Variants in CASZ1 observed in about 807,000 individuals in gnomAD.
The protein encoded by CASZ1 is castor zinc finger 1.
In CASZ1, 28 loss-of-function variants were observed where a neutral mutation model predicts 135.2. That is an observed-to-expected ratio of 0.21 (90% CI 0.15 to 0.28). The LOEUF (loss-of-function observed/expected upper bound fraction) is 0.28, where lower values mean the gene tolerates loss of function less well. Among genes scored for constraint, CASZ1 ranks in the 10% least tolerant of loss-of-function variants. The pLI is 1.00. For synonymous variants in CASZ1, 1,068 were observed against 1,073.4 expected, an observed-to-expected ratio of 0.99 and a Z score of 0.10; for missense variants, 2,161 against 2,453.3, an observed-to-expected ratio of 0.88 and a Z score of 2.52.
chr1:10,725,717 C>CTTTT lies in CASZ1; in HGVS notation c.-76-20177_-76-20174dup, dbSNP rs77796677. 3.5e-5 allele frequency among the ~76,000 whole-genome samples: 5 copies of CTTTT among 144,068 alleles called. No homozygotes were observed. The highest frequency in any genetic ancestry group is 1.3e-4 in the African/African-American group (5 of 39,294). The allele number at this position is 144,068 out of a possible 152,430, so 94.5% of individuals were successfully genotyped here. A position where few individuals can be genotyped will look rare whatever the true frequency, so the allele number is the denominator to read the frequency against. ...GGTGGAAGCCAGGTTCTGGAAAGCCCTTTTTTTTTTTTTACTAGGAGACCC... is the reference window on the plus strand; with the variant it reads ...GGTGGAAGCCAGGTTCTGGAAAGCCCTTTTTTTTTTTTTTTTTACTAGGAGACCC... On this transcript the variant is annotated intron_variant, in intron 2 of 20. Transcript: ENST00000377022. This position sits in a 1 kb window ranked among gnomAD's most constrained non-coding sequence, Gnocchi z 4.4.
intron 2 of CASZ1, among the ~76,000 whole-genome samples, chr1:10,710,146 T>C (rs1317946203): frequency 6.6e-6 from 1 of 152,210 alleles, no homozygotes; most frequent in African/African-American, 2.4e-5. Flanking sequence ...TTAATCATAG[T>C]AATTTTTAAA....
chr1:10,718,649 G>A (rs1639438681), intron 2 of CASZ1, among the ~76,000 whole-genome samples: 2 of 152,244 alleles, frequency 1.3e-5, no homozygotes, highest in Non-Finnish European at 2.9e-5. Context: ...AGAGCTGCCA[G>A]TGCCTTGGGA....
intron 4 of CASZ1, among the ~76,000 whole-genome samples, chr1:10,668,529 G>A (rs919235838): frequency 1.3e-5 from 2 of 152,256 alleles, no homozygotes; most frequent in Admixed American, 1.3e-4. Flanking sequence ...GACGGGAGAG[G>A]CGAGGGGAGG....
At chr1:10,765,296 G>A (rs1364160798) in intron 1 of CASZ1, among the ~76,000 whole-genome samples, 3 of 151,434 alleles carry the variant, frequency 2.0e-5, no homozygotes, top group African/African-American at 7.3e-5. Flanking sequence ...GTGGGGAGAG[G>A]ACAGAGCGCT....
intron 1 of CASZ1, among the ~76,000 whole-genome samples, chr1:10,779,726 T>C (rs1640728852): frequency 6.6e-6 from 1 of 152,194 alleles, no homozygotes. Context: ...TTTGGTATAG[T>C]TTTTCACTCA....
chr1:10,675,887 G>A (rs1166314159), intron 4 of CASZ1, among the ~76,000 whole-genome samples: 1 of 151,338 alleles, frequency 6.6e-6, no homozygotes, highest in Non-Finnish European at 1.5e-5. Flanking sequence ...AGGTTTGCAG[G>A]GAGCTGGCCT....
At position 10,700,991 on chromosome 1, in the gene CASZ1, C is replaced by T. The variant is rs1639049255; in HGVS notation, c.-24+4501G>A. 1.3e-5 allele frequency among the ~76,000 whole-genome samples: 2 copies of T among 152,204 alleles called. No homozygotes were observed. Among genetic ancestry groups the T allele is most frequent in the African/African-American group, 4.8e-5 (2 of 41,434 alleles). ...CACTTCCTGAATAGAGTTGTTGTCACACAGCACTCAGCCCGCACACAGTCA... is the reference window on the plus strand; with the variant it reads ...CACTTCCTGAATAGAGTTGTTGTCATACAGCACTCAGCCCGCACACAGTCA... On this transcript the variant is annotated intron_variant, in intron 3 of 20. Coordinates refer to ENST00000377022, the MANE Select transcript of CASZ1 (RefSeq NM_001079843.3). The surrounding 1 kb of genome is among the most constrained non-coding windows in gnomAD (Gnocchi z 4.2).
At chr1:10,785,128 T>TCTTCCTTCTTTCCTTC (rs1465399793) in intron 1 of CASZ1, among the ~76,000 whole-genome samples, 2 of 23,950 alleles carry the variant, frequency 8.4e-5, no homozygotes, top group East Asian at 1.2e-3. Flanking sequence ...TTCTTTCCTT[T>TCTTCCTTCTTTCCTTC]CTTCCTTCCT....
chr1:10,752,101 C>T lies in CASZ1; in HGVS notation c.-77+8600G>A, dbSNP rs780777537. 1.4e-4 allele frequency among the ~76,000 whole-genome samples: 21 copies of T among 152,182 alleles called. No individual in the cohort carries two copies. In the South Asian group the frequency reaches 1.4e-3, roughly 11 times the overall value. ...GCACACCCTCCCCAAGGAGCTAGCA[C>T]GGGCTGCCCAGTTGGGGTGGGCATG... On this transcript the variant is annotated intron_variant, in intron 2 of 20. Coordinates refer to ENST00000377022, the MANE Select transcript of CASZ1 (RefSeq NM_001079843.3).
In CASZ1 at chr1:10,659,731, G is replaced by A. The variant is rs1230901028; in HGVS notation, c.1311C>T (p.Ser437=). Residue 437 remains serine (S), a synonymous_variant, in exon 6 of 21, where the codon TCC becomes TCT. Transcript: ENST00000377022. ...CAGTGGAGACGGTCCCCGTGGTGAT[G>A]GAGTCTGTTTTGGAGAAGGTTGACT... ...YLKSTFSKTD[S]ITTGTVSTVK... is the part of the protein sequence containing the mutation. 6.2e-7 allele frequency: 1 copy of A among 1,614,058 alleles called. No individual in the cohort carries two copies. Among genetic ancestry groups the A allele is most frequent in the Non-Finnish European group, 8.5e-7 (1 of 1,179,888 alleles).
intron 2 of CASZ1, among the ~76,000 whole-genome samples, chr1:10,752,905 C>T (rs1469566264): frequency 5.3e-5 from 8 of 151,412 alleles, no homozygotes; most frequent in East Asian, 3.9e-4. Flanking sequence ...GGTGTGGTGG[C>T]GGGTACCTGT....
chr1:10,647,607 G>T lies in CASZ1; in HGVS notation c.3497+194C>A. 2.1e-6 allele frequency: 3 copies of T among 1,445,644 alleles called. No individual in the cohort carries two copies. The highest frequency in any genetic ancestry group is 2.7e-6 in the Non-Finnish European group (3 of 1,102,510). 89.6% of individuals were successfully genotyped at this position (1,445,644 alleles called of 1,614,324 possible). The stretch of plus-strand genomic sequence containing the variant: ...ACCATCGGCCCACGCGGGCTGGCCT[G>T]CTCTGGGACAGGCAGTGAGGTAGGA... On this transcript the variant is annotated intron_variant, in intron 16 of 20. Transcript: ENST00000377022. This position sits in a 1 kb window ranked among gnomAD's most constrained non-coding sequence, Gnocchi z 4.9.
At chr1:10,748,524 G>C (rs1202375164) in intron 2 of CASZ1, among the ~76,000 whole-genome samples, 1 of 152,204 alleles carries the variant, frequency 6.6e-6, no homozygotes, top group South Asian at 2.1e-4. Flanking sequence ...ATGAGGCTAA[G>C]CTTGCAGAGT....
chr1:10,745,408 A>G (rs4845844), intron 2 of CASZ1, among the ~76,000 whole-genome samples: 43,221 of 151,840 alleles, frequency 0.28, 6,527 homozygotes, highest in African/African-American at 0.4. Flanking sequence ...GAACACAGAC[A>G]GCTTCTTGAC....
intron 3 of CASZ1, among the ~76,000 whole-genome samples, chr1:10,695,680 C>T (rs1553133171): frequency 6.6e-6 from 1 of 151,626 alleles, no homozygotes; most frequent in Admixed American, 6.6e-5. Flanking sequence ...TTTGTGCTGC[C>T]CGTGCTCCTC....
In CASZ1 at chr1:10,639,070, C is replaced by A. The variant is rs2124660800; in HGVS notation, c.5152G>T (p.Asp1718Tyr). ...GCCTCGGGCAGCGACTCCTCCGAGT[C>A]GGTGCGCAGGTCCTCGTCGTCGTCG... The part of the protein sequence containing the change: ...EDDDDEDLRT[D>Y]SEESLPEAAA... Residue 1718 changes from aspartate to tyrosine, a missense_variant, in exon 21 of 21, where the codon GAC becomes TAC. This residue lies in a region of CASZ1 where 185 missense variants were observed against 134.7 expected (regional missense o/e 1.37). Transcript: ENST00000377022. The surrounding 1 kb of genome is among the most constrained non-coding windows in gnomAD (Gnocchi z 4.0). The A allele has an allele frequency of 8.8e-7, 1 of 1,131,120 alleles. No individual in the cohort carries two copies. The highest frequency in any genetic ancestry group is 2.1e-5 in the South Asian group (1 of 47,786). 70.1% of individuals were successfully genotyped at this position (1,131,120 alleles called of 1,614,324 possible).
In CASZ1 at chr1:10,692,575, C is replaced by T. The variant is rs1246502906; in HGVS notation, c.16+1299G>A. On this transcript the variant is annotated intron_variant, in intron 4 of 20. Transcript: ENST00000377022. ...CCAGCAGGGGGTGTCACACCCTTCC[C>T]GGGCGCAGAGGTCCCCAGGCCCTCC... is the stretch of plus-strand genomic sequence containing the variant. Among the ~76,000 whole-genome samples, 4 of 152,180 alleles carry T rather than the reference C, an allele frequency of 2.6e-5. No individual in the cohort carries two copies. In the East Asian group the frequency reaches 5.8e-4, roughly 22 times the overall value.
At chr1:10,714,256 C>T (rs910002166) in intron 2 of CASZ1, among the ~76,000 whole-genome samples, 2 of 151,872 alleles carry the variant, frequency 1.3e-5, no homozygotes, top group African/African-American at 2.4e-5. Flanking sequence ...TGCAGTGAGC[C>T]GAGATCGTGC....
At chr1:10,778,331 C>T (rs1378300330) in intron 1 of CASZ1, among the ~76,000 whole-genome samples, 4 of 152,070 alleles carry the variant, frequency 2.6e-5, no homozygotes, top group Non-Finnish European at 5.9e-5. Context: ...CACACAACCA[C>T]ACACAATCTC....
Sources: gnomAD v4.1 joint callset for allele counts (sites outside exome capture counted in the v4.1 genomes callset) on GRCh38, gnomAD v4.1.1 for gene constraint, gnomAD v4.1.1 regional missense constraint, Gnocchi (gnomAD v3.1) non-coding constraint, MANE v1.5 for transcripts, NCBI Gene and HGNC (gene_info 2026-07-23, HGNC 2026-07-21) for gene names.